PLEKHM3: variants seen among roughly 807,000 people sequenced by gnomAD.
PLEKHM3 encodes the protein pleckstrin homology domain containing M3.
Under a neutral mutation model 81.8 loss-of-function variants are expected in PLEKHM3, and 45 were observed. The observed-to-expected ratio is 0.55, with a 90% CI of 0.43 to 0.71. The LOEUF is 0.71. PLEKHM3 is among the 30% of genes least tolerant of loss of function. The pLI is 0.00. For synonymous variants in PLEKHM3, 352 were observed against 356.4 expected, an observed-to-expected ratio of 0.99 and a Z score of 0.14; for missense variants, 788 against 924.3, an observed-to-expected ratio of 0.85 and a Z score of 1.91.
intron 6 of PLEKHM3, among the ~76,000 whole-genome samples, chr2:207,874,107 T>C (rs2092548632): frequency 6.6e-6 from 1 of 152,236 alleles, no homozygotes; most frequent in Admixed American, 6.5e-5. Context: ...ATCTGTTGTG[T>C]CTGCAGTGTC....
chr2:207,958,916 A>AAAT (rs931276748), intron 3 of PLEKHM3, among the ~76,000 whole-genome samples: 20 of 151,938 alleles, frequency 1.3e-4, no homozygotes, highest in East Asian at 3.9e-4. Flanking sequence ...TCCATCTCAA[A>AAAT]AATAATAATA....
intron 3 of PLEKHM3, among the ~76,000 whole-genome samples, chr2:207,967,767 C>T (rs181373305): frequency 6.6e-6 from 1 of 152,110 alleles, no homozygotes; most frequent in South Asian, 2.1e-4. Flanking sequence ...TCCTTTAACT[C>T]AATTTATTCT....
At chr2:207,972,365 G>T (rs1691154187) in intron 3 of PLEKHM3, among the ~76,000 whole-genome samples, 1 of 151,698 alleles carries the variant, frequency 6.6e-6, no homozygotes, top group Admixed American at 6.6e-5. Context: ...GGGGGCGGTG[G>T]ATCATGAGGT....
chr2:207,942,072 T>C (rs1325984937), intron 4 of PLEKHM3, among the ~76,000 whole-genome samples: 1 of 152,162 alleles, frequency 6.6e-6, no homozygotes, highest in East Asian at 1.9e-4. Context: ...AGTTCTTCAA[T>C]AAACTAAAAA....
intron 1 of PLEKHM3, among the ~76,000 whole-genome samples, chr2:208,016,649 CAAA>C (rs1234374383): frequency 5.7e-4 from 38 of 66,230 alleles, no homozygotes; most frequent in African/African-American, 1.8e-3. Context: ...GACTTTGTCT[CAAA>C]AAAAAAAAAA....
rs2106090758 is a variant in PLEKHM3 at position 208,001,094 on chromosome 2, A to G, written c.546T>C (p.His182=). 6.3e-7 allele frequency: 1 copy of G among 1,578,904 alleles called. No homozygotes were observed. Among genetic ancestry groups the G allele is most frequent in the Non-Finnish European group, 8.6e-7 (1 of 1,162,318 alleles). The part of the protein sequence containing the change: ...QQQQPLLQGP[H]VTRPSFLLPS... The stretch of plus-strand genomic sequence containing the variant: ...GCAACAGAAAAGATGGCCTGGTGAC[A>G]TGCGGGCCTTGAAGCAATGGCTGCT... Residue 182 remains histidine, a synonymous_variant, in exon 2 of 8, where the codon CAT becomes CAC. Coordinates refer to ENST00000427836, the MANE Select transcript of PLEKHM3 (RefSeq NM_001080475.3).
In PLEKHM3 at chr2:207,977,381, C is replaced by T; in HGVS notation, c.816G>A (p.Glu272=). Reference sequence around the variant, plus strand: ...ACAAAACAGTATCCACCATCCTGGCCTCCAGGTTGCCTAAAACAGATATGC... The same window carrying T: ...ACAAAACAGTATCCACCATCCTGGCTTCCAGGTTGCCTAAAACAGATATGC... The part of the protein sequence containing the change: ...FQSISVLGNL[E]ARMVDTVLYD... The change falls in exon 3 of 8, where the codon GAG becomes GAA. Residue 272 remains glutamate (E), a synonymous_variant. Coordinates refer to ENST00000427836, the MANE Select transcript of PLEKHM3 (RefSeq NM_001080475.3). The T allele has an allele frequency of 2.5e-6, 4 of 1,614,144 alleles. No individual in the cohort carries two copies. The highest frequency in any genetic ancestry group is 3.4e-6 in the Non-Finnish European group (4 of 1,180,028).
intron 5 of PLEKHM3, among the ~76,000 whole-genome samples, chr2:207,926,733 C>A (rs1254811430): frequency 3.9e-5 from 6 of 152,170 alleles, no homozygotes; most frequent in Non-Finnish European, 8.8e-5. Flanking sequence ...CTAATCACCC[C>A]TGCCAGTCAA....
At chr2:207,844,177 C>T (rs2092369965) in intron 7 of PLEKHM3, among the ~76,000 whole-genome samples, 1 of 151,874 alleles carries the variant, frequency 6.6e-6, no homozygotes, top group Non-Finnish European at 1.5e-5. Flanking sequence ...ATCTTTCAGT[C>T]TAAGTTAAAT....
rs561861219 is a variant in PLEKHM3, at chr2:207,974,459, C to A, written c.1546+2192G>T. Among the ~76,000 whole-genome samples, 3 of 152,294 alleles carry A rather than the reference C, an allele frequency of 2.0e-5. No individual in the cohort carries two copies. In the South Asian group the frequency reaches 6.2e-4, roughly 32 times the overall value. ...AATACCTCTTGTGAAATACCTGAGG[C>A]TTTTCTTCCCTCTTTTACTAGAAAG... is the stretch of plus-strand genomic sequence containing the variant. On this transcript the variant is annotated intron_variant, in intron 3 of 7. Coordinates refer to ENST00000427836, the MANE Select transcript of PLEKHM3 (RefSeq NM_001080475.3).
intron 5 of PLEKHM3, among the ~76,000 whole-genome samples, chr2:207,909,295 G>A (rs1260793550): frequency 6.6e-6 from 1 of 152,280 alleles, no homozygotes; most frequent in East Asian, 1.9e-4. Flanking sequence ...TCCGTTATGG[G>A]TAAGCAAACA....
intron 1 of PLEKHM3, among the ~76,000 whole-genome samples, chr2:208,004,435 T>C (rs545478244): frequency 3.3e-5 from 5 of 151,346 alleles, no homozygotes; most frequent in African/African-American, 1.2e-4. Flanking sequence ...AAAAAAAATG[T>C]ATATCACCAT....
intron 6 of PLEKHM3, among the ~76,000 whole-genome samples, chr2:207,897,373 G>A (rs181885152): frequency 1.5e-4 from 23 of 152,268 alleles, no homozygotes; most frequent in African/African-American, 5.3e-4. Flanking sequence ...ACACCTCACA[G>A]CAACACTAAT....
At position 208,001,796 on chromosome 2, in the gene PLEKHM3, G is replaced by A. The variant is rs1692316236; in HGVS notation, c.-157C>T. ...CCTGGAGCAGGCCAAACCCAAAGTG[G>A]TTGATGTTTTCCTGGTAATTAAAAG... On this transcript the variant is annotated 5_prime_UTR_variant, in exon 2 of 8. Transcript: ENST00000427836. 8.0e-7 allele frequency: 1 copy of A among 1,244,744 alleles called. No homozygotes were observed. Among genetic ancestry groups the A allele is most frequent in the African/African-American group, 1.5e-5 (1 of 66,282 alleles). 77.1% of individuals were successfully genotyped at this position (1,244,744 alleles called of 1,614,324 possible).
chr2:207,935,357 C>T (rs1217836773), intron 4 of PLEKHM3, among the ~76,000 whole-genome samples: 3 of 152,138 alleles, frequency 2.0e-5, no homozygotes, highest in East Asian at 3.8e-4. Context: ...GATGCATGGG[C>T]GGTGGGAGTG....
At chr2:208,000,143 G>A (rs1169245409) in intron 2 of PLEKHM3, among the ~76,000 whole-genome samples, 1 of 152,178 alleles carries the variant, frequency 6.6e-6, no homozygotes. Flanking sequence ...AGTATGAGGA[G>A]AAAGGAAATT....
At chr2:207,953,330 C>A (rs1482249676) in intron 3 of PLEKHM3, among the ~76,000 whole-genome samples, 2 of 152,180 alleles carry the variant, frequency 1.3e-5, no homozygotes, top group Non-Finnish European at 2.9e-5. Context: ...CAAATACAAT[C>A]CTGAAATGTA....
intron 3 of PLEKHM3, among the ~76,000 whole-genome samples, chr2:207,958,579 T>C (rs537376083): frequency 1.3e-5 from 2 of 152,206 alleles, no homozygotes; most frequent in Non-Finnish European, 2.9e-5. Context: ...GCTGGGCTAC[T>C]TGAAGCACTG....
At chr2:207,872,548 C>T (rs868470592) in intron 6 of PLEKHM3, among the ~76,000 whole-genome samples, 3 of 152,268 alleles carry the variant, frequency 2.0e-5, no homozygotes, top group Middle Eastern at 3.4e-3. Flanking sequence ...TCAACTTAAA[C>T]CCGAGGCGGC....
Sources: gnomAD v4.1 joint callset for allele counts (sites outside exome capture counted in the v4.1 genomes callset) on GRCh38, gnomAD v4.1.1 for gene constraint, MANE v1.5 for transcripts, NCBI Gene and HGNC (gene_info 2026-07-23, HGNC 2026-07-21) for gene names.